The following CNTN4 variants were observed in gnomAD, a reference collection of about 807,000 sequenced individuals.
CNTN4 encodes contactin 4.
A neutral mutation model predicts 122.5 loss-of-function variants in CNTN4; 77 were observed. The observed-to-expected ratio is 0.63, with a 90% CI of 0.52 to 0.76. The LOEUF (loss-of-function observed/expected upper bound fraction) is 0.76, where lower values mean the gene tolerates loss of function less well. Ranked by LOEUF, CNTN4 falls within the 30% of genes least tolerant of loss-of-function variation. The probability of loss-of-function intolerance (pLI) is 0.00; values close to 1 mark genes in which losing one functional copy is unlikely to be tolerated. For missense variants in CNTN4, 1,256 were observed against 1,259.1 expected (o/e 1.00, Z 0.04); for synonymous variants, 512 against 447.0 (o/e 1.15, Z -1.83).
chr3:2,108,582 T>C (rs2032666209), intron 2 of CNTN4, among the ~76,000 whole-genome samples: 1 of 152,216 alleles, frequency 6.6e-6, no homozygotes, highest in Non-Finnish European at 1.5e-5. Context: ...GCTTGAAATT[T>C]GGAGGCAAAA....
At chr3:2,752,886 G>T (rs1420831960) in intron 6 of CNTN4, among the ~76,000 whole-genome samples, 3 of 152,040 alleles carry the variant, frequency 2.0e-5, no homozygotes, top group African/African-American at 7.2e-5. Context: ...GTCTTTCTTT[G>T]CTTGGCTTAT....
chr3:2,899,103 T>C (rs903440778), intron 10 of CNTN4, among the ~76,000 whole-genome samples: 1 of 152,210 alleles, frequency 6.6e-6, no homozygotes, highest in Non-Finnish European at 1.5e-5. Context: ...AAACTGTGTT[T>C]TGCTCGTTGA....
chr3:2,840,223 C>G (rs1284352188), intron 7 of CNTN4, among the ~76,000 whole-genome samples: 1 of 152,116 alleles, frequency 6.6e-6, no homozygotes, highest in African/African-American at 2.4e-5. Flanking sequence ...TTTCACCTTA[C>G]CAGGTTTCCA....
At chr3:2,474,319 CCTAGCA>C (rs142004822) in intron 3 of CNTN4, among the ~76,000 whole-genome samples, 149 of 152,234 alleles carry the variant, frequency 9.8e-4, no homozygotes, top group African/African-American at 3.5e-3. Context: ...CAGCTTAATG[CCTAGCA>C]CTTCTTGAAC....
intron 3 of CNTN4, among the ~76,000 whole-genome samples, chr3:2,544,734 AAT>A (rs987183314): frequency 6.0e-5 from 9 of 151,116 alleles, no homozygotes; most frequent in Non-Finnish European, 1.5e-5. Flanking sequence ...GTCGTTTCTA[AAT>A]GTGTTTACTT....
intron 4 of CNTN4, among the ~76,000 whole-genome samples, chr3:2,664,814 T>G (rs565725390): frequency 2.1e-4 from 32 of 152,322 alleles, no homozygotes; most frequent in African/African-American, 7.0e-4. Context: ...ACAAACAGAT[T>G]TCTTGCTTTA....
At chr3:2,252,744 A>G (rs2040425693) in intron 2 of CNTN4, among the ~76,000 whole-genome samples, 1 of 152,060 alleles carries the variant, frequency 6.6e-6, no homozygotes, top group Non-Finnish European at 1.5e-5. Flanking sequence ...CTTGATGATG[A>G]TATTTGATGA....
At chr3:2,703,806 C>T (rs1332118300) in intron 4 of CNTN4, among the ~76,000 whole-genome samples, 1 of 151,858 alleles carries the variant, frequency 6.6e-6, no homozygotes. Context: ...AAACATAGCC[C>T]TATATGTGTT....
chr3:2,684,502 C>G (rs984935673), intron 4 of CNTN4, among the ~76,000 whole-genome samples: 15 of 152,100 alleles, frequency 9.9e-5, no homozygotes, highest in African/African-American at 3.6e-4. Context: ...TAAGTGTGGC[C>G]TACAGTAGAG....
At chr3:2,308,026 C>A (rs1295714884) in intron 2 of CNTN4, among the ~76,000 whole-genome samples, 1 of 152,066 alleles carries the variant, frequency 6.6e-6, no homozygotes, top group Non-Finnish European at 1.5e-5. Context: ...AAGCCTTCTG[C>A]TCATGGACTT....
At chr3:2,106,715 C>T (rs1043353379) in intron 2 of CNTN4, among the ~76,000 whole-genome samples, 1 of 152,208 alleles carries the variant, frequency 6.6e-6, no homozygotes, top group South Asian at 2.1e-4. Flanking sequence ...AGACGTTTTC[C>T]CCATTGTCCT....
At chr3:2,860,425 T>A (rs1387088252) in intron 7 of CNTN4, among the ~76,000 whole-genome samples, 1 of 152,214 alleles carries the variant, frequency 6.6e-6, no homozygotes, top group Non-Finnish European at 1.5e-5. Flanking sequence ...GTCTGAACCC[T>A]GGATGGTCCT....
chr3:2,849,454 G>C (rs2093510353), intron 7 of CNTN4, among the ~76,000 whole-genome samples: 1 of 152,150 alleles, frequency 6.6e-6, no homozygotes, highest in South Asian at 2.1e-4. Flanking sequence ...TAAAGAAGAA[G>C]GGGAAAACCT....
intron 3 of CNTN4, among the ~76,000 whole-genome samples, chr3:2,361,568 C>T (rs936237358): frequency 1.2e-4 from 19 of 152,150 alleles, no homozygotes; most frequent in African/African-American, 4.6e-4. Flanking sequence ...ACATTCAGCC[C>T]ACACTAAAAA....
intron 13 of CNTN4, among the ~76,000 whole-genome samples, chr3:2,956,631 TTAAA>T (rs1400512301): frequency 1.1e-4 from 16 of 152,036 alleles, no homozygotes; most frequent in Admixed American, 5.3e-4. Context: ...TTGATAAAAA[TTAAA>T]TATTCAAGGT....
intron 7 of CNTN4, among the ~76,000 whole-genome samples, chr3:2,830,383 C>T (rs910408981): frequency 3.9e-5 from 6 of 152,084 alleles, no homozygotes; most frequent in Admixed American, 2.6e-4. Context: ...ACATTAGTAC[C>T]GAAAGGAAAT....
chr3:2,684,346 G>T (rs1449467364), intron 4 of CNTN4, among the ~76,000 whole-genome samples: 1 of 152,150 alleles, frequency 6.6e-6, no homozygotes, highest in African/African-American at 2.4e-5. Flanking sequence ...ATCCTGGACA[G>T]CTAGGGGAGT....
At chr3:2,596,587 A>T (rs914685664) in intron 4 of CNTN4, among the ~76,000 whole-genome samples, 2 of 151,656 alleles carry the variant, frequency 1.3e-5, no homozygotes, top group Admixed American at 6.6e-5. Flanking sequence ...CACATTTTGT[A>T]TTTTTTTTCA....
intron 4 of CNTN4, among the ~76,000 whole-genome samples, chr3:2,690,841 T>TC (rs1352279630): frequency 6.6e-6 from 1 of 152,222 alleles, no homozygotes; most frequent in Admixed American, 6.5e-5. Flanking sequence ...CCACACTCAT[T>TC]CCTTTGCATA....
Sources: allele counts gnomAD v4.1 joint callset (sites outside exome capture counted in the v4.1 genomes callset), GRCh38; gene constraint gnomAD v4.1.1; transcripts MANE v1.5; gene names NCBI Gene and HGNC (gene_info 2026-07-23, HGNC 2026-07-21).